Variants in IL1RAPL1 observed in about 807,000 individuals in gnomAD.
The protein encoded by IL1RAPL1 is interleukin 1 receptor accessory protein like 1.
IL1RAPL1 carries 3 observed loss-of-function variants against 48.4 expected under a neutral mutation model. That is an observed-to-expected ratio of 0.06 (90% CI 0.03 to 0.16). IL1RAPL1 has a LOEUF of 0.16. IL1RAPL1 is among the 10% of genes least tolerant of loss of function. The pLI, the probability that IL1RAPL1 is intolerant of heterozygous loss-of-function variation, is 1.00. For synonymous variants in IL1RAPL1, 185 were observed against 187.7 expected (o/e 0.99, Z 0.12); for missense variants, 349 against 530.6 (o/e 0.66, Z 3.36).
At chrX:28,768,755 CTATATATATATA>C (rs1207885215) in intron 1 of IL1RAPL1, among the ~76,000 whole-genome samples, 2 of 34,878 alleles carry the variant, frequency 5.7e-5, no homozygotes, top group African/African-American at 1.2e-4. Context: ...CTCTCTCTCT[CTATATATATATA>C]TATATATATA....
intron 3 of IL1RAPL1, among the ~76,000 whole-genome samples, chrX:29,302,799 T>C (rs1427956521): frequency 9.0e-6 from 1 of 111,582 alleles, no homozygotes; most frequent in East Asian, 2.8e-4. Context: ...TTGTCTTAGA[T>C]TGGACTCCTC....
At chrX:29,195,609 G>T (rs7877684) in intron 2 of IL1RAPL1, among the ~76,000 whole-genome samples, 1,383 of 100,079 alleles carry the variant, frequency 0.014, 28 homozygotes, top group African/African-American at 0.049. Context: ...ACCCAGGCTG[G>T]AGTGCAGTGG....
Position 28,810,833 on chromosome X carries a change from A to C in IL1RAPL1, c.82+21408A>C, listed in dbSNP as rs1936786394. 2.7e-5 allele frequency among the ~76,000 whole-genome samples: 3 copies of C among 110,328 alleles called. No individual in the cohort carries two copies. In the South Asian group the frequency reaches 1.1e-3, roughly 42 times the overall value. On this transcript the variant is annotated intron_variant, in intron 2 of 10. Transcript: ENST00000378993. Reference sequence around the variant, plus strand: ...GTCCTATGAGATCTATTATGCTGTTATGTAATGAAGAGCTGTGTTAATTAT... The same window carrying C: ...GTCCTATGAGATCTATTATGCTGTTCTGTAATGAAGAGCTGTGTTAATTAT...
chrX:29,141,489 T>C (rs2147491874), intron 2 of IL1RAPL1, among the ~76,000 whole-genome samples: 1 of 111,861 alleles, frequency 8.9e-6, no homozygotes, highest in African/African-American at 3.2e-5. Flanking sequence ...TTACTTTTAT[T>C]CTTACCCTTA....
At chrX:28,942,701 A>AT (rs1171546339) in intron 2 of IL1RAPL1, 1 of 109,093 alleles carries the variant, frequency 9.2e-6, no homozygotes, top group African/African-American at 3.3e-5. Flanking sequence ...TAAGTTTTAT[A>AT]ATGACTTAGA....
intron 5 of IL1RAPL1, among the ~76,000 whole-genome samples, chrX:29,448,043 T>C (rs894522666): frequency 1.8e-5 from 2 of 111,897 alleles, no homozygotes; most frequent in African/African-American, 6.5e-5. Context: ...GGGGCCAGGA[T>C]GGTTGAAGCC....
At chrX:29,777,947 T>G (rs1269549729) in intron 6 of IL1RAPL1, among the ~76,000 whole-genome samples, 1 of 109,519 alleles carries the variant, frequency 9.1e-6, no homozygotes, top group Non-Finnish European at 1.9e-5. Flanking sequence ...TTTATACTAT[T>G]GTATAAATAG....
chrX:28,664,956 T>C (rs555895007), intron 1 of IL1RAPL1, among the ~76,000 whole-genome samples: 2 of 111,963 alleles, frequency 1.8e-5, no homozygotes, highest in South Asian at 7.5e-4. Context: ...TAGGTAAAGC[T>C]ATATGCTCTA....
At chrX:29,541,513 A>C (rs1398006035) in intron 5 of IL1RAPL1, among the ~76,000 whole-genome samples, 1 of 111,842 alleles carries the variant, frequency 8.9e-6, no homozygotes, top group Non-Finnish European at 1.9e-5. Context: ...GGTAATAGCA[A>C]AGACATGGAA....
intron 1 of IL1RAPL1, among the ~76,000 whole-genome samples, chrX:28,657,695 GT>G (rs1934764686): frequency 8.9e-6 from 1 of 112,427 alleles, no homozygotes; most frequent in Non-Finnish European, 1.9e-5. Flanking sequence ...GATTATGGCA[GT>G]TGGACATTTG....
At chrX:28,788,052 G>C (rs1216823412) in intron 1 of IL1RAPL1, among the ~76,000 whole-genome samples, 1 of 111,405 alleles carries the variant, frequency 9.0e-6, no homozygotes, top group Non-Finnish European at 1.9e-5. Flanking sequence ...GATATACAAT[G>C]AGTACATTCT....
At chrX:29,876,933 G>A (rs936096761) in intron 6 of IL1RAPL1, among the ~76,000 whole-genome samples, 5 of 111,734 alleles carry the variant, frequency 4.5e-5, no homozygotes, top group South Asian at 3.7e-4. Context: ...TGCTCCACGC[G>A]CCTCAGATGC....
chrX:29,766,490 TA>T (rs1217573794), intron 6 of IL1RAPL1, among the ~76,000 whole-genome samples: 5 of 96,454 alleles, frequency 5.2e-5, no homozygotes, highest in African/African-American at 1.9e-4. Flanking sequence ...TATATATATA[TA>T]TTTATATATA....
chrX:29,576,937 G>A (rs1361515431), intron 5 of IL1RAPL1, among the ~76,000 whole-genome samples: 1 of 111,076 alleles, frequency 9.0e-6, no homozygotes, highest in Non-Finnish European at 1.9e-5. Flanking sequence ...TACTTCAAGG[G>A]CAGTGCTTTA....
chrX:29,923,827 G>A (rs991624362), intron 8 of IL1RAPL1, among the ~76,000 whole-genome samples: 1 of 111,512 alleles, frequency 9.0e-6, no homozygotes, highest in African/African-American at 3.3e-5. Flanking sequence ...TAGAAGTATT[G>A]TGCTCTGACC....
chrX:29,647,187 C>T (rs148127450), intron 5 of IL1RAPL1, among the ~76,000 whole-genome samples: 14,485 of 109,916 alleles, frequency 0.13, 999 homozygotes, highest in African/African-American at 0.26. Flanking sequence ...TCGTCTCTAC[C>T]GAAAATACAA....
intron 2 of IL1RAPL1, among the ~76,000 whole-genome samples, chrX:29,001,224 A>T (rs1386640645): frequency 8.9e-6 from 1 of 112,156 alleles, no homozygotes; most frequent in African/African-American, 3.2e-5. Flanking sequence ...TTTTTTGAAA[A>T]ATCTTACATA....
intron 6 of IL1RAPL1, among the ~76,000 whole-genome samples, chrX:29,787,022 G>A (rs901253474): frequency 8.9e-6 from 1 of 111,965 alleles, no homozygotes; most frequent in Non-Finnish European, 1.9e-5. Context: ...AAGTACCAAT[G>A]AGGGGTCATT....
At chrX:29,829,808 T>C (rs1930832323) in intron 6 of IL1RAPL1, among the ~76,000 whole-genome samples, 1 of 112,205 alleles carries the variant, frequency 8.9e-6, no homozygotes, top group African/African-American at 3.2e-5. Context: ...TACTGCTTAA[T>C]CTGAGAATAA....
Sources: allele counts gnomAD v4.1 joint callset (sites outside exome capture counted in the v4.1 genomes callset), GRCh38; gene constraint gnomAD v4.1.1; transcripts MANE v1.5; gene names NCBI Gene and HGNC (gene_info 2026-07-23, HGNC 2026-07-21).